The following DCC variants were observed in gnomAD, a reference collection of about 807,000 sequenced individuals.
DCC encodes the protein DCC netrin 1 receptor.
A neutral mutation model predicts 172.5 loss-of-function variants in DCC; 58 were observed. The ratio of observed to expected loss-of-function variants is 0.34; its 90% CI spans 0.27 to 0.42. The LOEUF (loss-of-function observed/expected upper bound fraction) is 0.42, where lower values mean the gene tolerates loss of function less well. Ranked by LOEUF, DCC falls within the 10% of genes least tolerant of loss-of-function variation. The probability of loss-of-function intolerance (pLI) is 1.00; values close to 1 mark genes in which losing one functional copy is unlikely to be tolerated. For missense variants in DCC, 1,740 were observed against 1,791.0 expected, an observed-to-expected ratio of 0.97 and a Z score of 0.51; for synonymous variants, 709 against 644.5, an observed-to-expected ratio of 1.10 and a Z score of -1.52.
chr18:52,673,915 A>AGG (rs2035601499), intron 1 of DCC, among the ~76,000 whole-genome samples: 1 of 152,160 alleles, frequency 6.6e-6, no homozygotes, highest in Admixed American at 6.5e-5. Context: ...TACATGGCTA[A>AGG]GGACTGAGCT....
intron 2 of DCC, among the ~76,000 whole-genome samples, chr18:52,846,406 G>T (rs1306378987): frequency 6.6e-6 from 1 of 152,060 alleles, no homozygotes; most frequent in Non-Finnish European, 1.5e-5. Context: ...CAGGCACGGT[G>T]GTGCCAAAAT....
intron 1 of DCC, among the ~76,000 whole-genome samples, chr18:52,698,845 G>C (rs539412539): frequency 6.8e-6 from 1 of 147,856 alleles, no homozygotes; most frequent in Non-Finnish European, 1.5e-5. Context: ...TCCTGACCTC[G>C]TGATCCACCC....
intron 1 of DCC, among the ~76,000 whole-genome samples, chr18:52,605,551 C>A (rs2034116274): frequency 6.6e-6 from 1 of 152,146 alleles, no homozygotes. Context: ...GTCTAATCAG[C>A]AGTCCTGCTC....
At chr18:53,011,492 G>T (rs1287865993) in intron 5 of DCC, among the ~76,000 whole-genome samples, 3 of 151,614 alleles carry the variant, frequency 2.0e-5, no homozygotes, top group Non-Finnish European at 4.4e-5. Flanking sequence ...AATATGCCTT[G>T]TATAGCTTAA....
At chr18:52,531,771 T>A (rs1182985520) in intron 1 of DCC, among the ~76,000 whole-genome samples, 1 of 152,196 alleles carries the variant, frequency 6.6e-6, no homozygotes, top group African/African-American at 2.4e-5. Context: ...TTTCTTCTGC[T>A]TCATTGTTAC....
At chr18:53,058,997 A>T (rs977845359) in intron 5 of DCC, among the ~76,000 whole-genome samples, 5 of 151,980 alleles carry the variant, frequency 3.3e-5, no homozygotes, top group Admixed American at 1.3e-4. Context: ...TAATTGACTC[A>T]CAGTTCAGCA....
intron 7 of DCC, among the ~76,000 whole-genome samples, chr18:53,141,933 T>C (rs907705442): frequency 6.6e-6 from 1 of 152,210 alleles, no homozygotes; most frequent in Non-Finnish European, 1.5e-5. Context: ...CATATGCTCA[T>C]ATGCTCTGAA....
chr18:52,828,255 C>A (rs189183408), intron 2 of DCC, among the ~76,000 whole-genome samples: 72 of 152,202 alleles, frequency 4.7e-4, no homozygotes, highest in African/African-American at 1.7e-3. Context: ...GAAACAAATA[C>A]AAGATGTTAT....
In DCC at chr18:53,358,408, A is replaced by T. The variant is rs562755174; in HGVS notation, c.2359+18501A>T. Among the ~76,000 whole-genome samples, 88 of 152,204 alleles carry T rather than the reference A, an allele frequency of 5.8e-4. No homozygotes were observed. In the South Asian group the frequency reaches 7.7e-3, roughly 13 times the overall value. ...TAATAGATAGTAGGCTTAAAGACCA[A>T]ATGATTTATTATTTCTTACCAAAAT... On this transcript the variant is annotated intron_variant, in intron 15 of 28. Coordinates refer to ENST00000442544, the MANE Select transcript of DCC (RefSeq NM_005215.4).
chr18:53,303,525 T>C (rs1451881412), intron 12 of DCC, among the ~76,000 whole-genome samples: 3 of 152,224 alleles, frequency 2.0e-5, no homozygotes, highest in African/African-American at 7.2e-5. Flanking sequence ...AAACTACAAA[T>C]TTTAGCACTT....
chr18:52,626,170 G>T (rs530455045), intron 1 of DCC, among the ~76,000 whole-genome samples: 2 of 152,110 alleles, frequency 1.3e-5, no homozygotes, highest in Non-Finnish European at 2.9e-5. Flanking sequence ...TCTCTGCATG[G>T]ATGCCTAGTA....
chr18:53,034,956 C>T (rs371048240), intron 5 of DCC, among the ~76,000 whole-genome samples: 142 of 152,214 alleles, frequency 9.3e-4, no homozygotes, highest in Middle Eastern at 6.8e-3. Flanking sequence ...GCTAGTCCTT[C>T]CCACTTTCCT....
intron 2 of DCC, among the ~76,000 whole-genome samples, chr18:52,881,525 T>C (rs1385269840): frequency 3.3e-5 from 5 of 152,168 alleles, no homozygotes; most frequent in South Asian, 2.1e-4. Context: ...TTTTTGTATA[T>C]GGCAAGAGAT....
At chr18:52,914,724 G>C (rs773911282) in intron 3 of DCC, among the ~76,000 whole-genome samples, 2 of 152,104 alleles carry the variant, frequency 1.3e-5, no homozygotes, top group Non-Finnish European at 2.9e-5. Context: ...GTGTTTGAAG[G>C]CTCACGGTAC....
At chr18:52,430,032 T>C (rs1987569344) in intron 1 of DCC, among the ~76,000 whole-genome samples, 1 of 152,102 alleles carries the variant, frequency 6.6e-6, no homozygotes. Flanking sequence ...AAGCAGATTT[T>C]AGCAGAGAAT....
intron 2 of DCC, among the ~76,000 whole-genome samples, chr18:52,832,946 T>C (rs952515067): frequency 1.3e-5 from 2 of 152,126 alleles, no homozygotes; most frequent in African/African-American, 4.8e-5. Flanking sequence ...ATGTACATAT[T>C]AATGATGTGG....
intron 13 of DCC, among the ~76,000 whole-genome samples, chr18:53,317,382 C>T (rs1016759556): frequency 6.6e-6 from 1 of 152,142 alleles, no homozygotes; most frequent in Non-Finnish European, 1.5e-5. Context: ...TTCGGTTTGC[C>T]AGTATTTTAT....
At chr18:53,248,433 A>C (rs1598945183) in intron 12 of DCC, among the ~76,000 whole-genome samples, 3 of 152,098 alleles carry the variant, frequency 2.0e-5, no homozygotes, top group African/African-American at 7.2e-5. Flanking sequence ...TAGCAATGGA[A>C]AACCACTTTC....
chr18:52,663,827 G>C (rs1413467790), intron 1 of DCC, among the ~76,000 whole-genome samples: 1 of 152,068 alleles, frequency 6.6e-6, no homozygotes, highest in Admixed American at 6.5e-5. Context: ...ATTGATATGA[G>C]TTGAGAGTGG....
Sources: allele counts gnomAD v4.1 joint callset (sites outside exome capture counted in the v4.1 genomes callset), GRCh38; gene constraint gnomAD v4.1.1; transcripts MANE v1.5; gene names NCBI Gene and HGNC (gene_info 2026-07-23, HGNC 2026-07-21).